The following FDFT1 variants were observed in gnomAD, a reference collection of about 807,000 sequenced individuals.
The protein encoded by FDFT1 is farnesyl-diphosphate farnesyltransferase 1, also known as squalene synthase.
FDFT1 carries 68 observed loss-of-function variants against 46.8 expected under a neutral mutation model. The ratio of observed to expected loss-of-function variants is 1.45; its 90% CI spans 1.19 to 1.78. FDFT1 has a LOEUF of 1.78. Ranked by LOEUF, FDFT1 falls within the 40% of genes most tolerant of loss-of-function variation. The pLI is 0.00. For missense variants in FDFT1, 928 were observed against 524.4 expected (o/e 1.77, Z -7.52); for synonymous variants, 351 against 185.1 (o/e 1.90, Z -7.28).
intron 4 of FDFT1, among the ~76,000 whole-genome samples, chr8:11,823,255 A>G (rs1311175890): frequency 6.6e-6 from 1 of 152,158 alleles, no homozygotes; most frequent in Non-Finnish European, 1.5e-5. Flanking sequence ...AATTATTTCA[A>G]GGAGTTATTT....
At chr8:11,796,070 C>T (rs1258028054) in intron 1 of FDFT1, 4 of 152,130 alleles carry the variant, frequency 2.6e-5, no homozygotes, top group Admixed American at 6.5e-5. Flanking sequence ...TTGTGAAAAA[C>T]GGGGGATTTA....
At chr8:11,802,635 A>G, upstream of FDFT1, 1 of 592,870 alleles carries the variant, frequency 1.7e-6, no homozygotes, top group East Asian at 2.9e-5. Flanking sequence ...AGCCCACCCC[A>G]CGAGGCCGCA....
At chr8:11,815,103 G>A (rs1808269906) in intron 3 of FDFT1, among the ~76,000 whole-genome samples, 1 of 152,122 alleles carries the variant, frequency 6.6e-6, no homozygotes. Context: ...CCACTTAGGA[G>A]TGAGAACATG....
chr8:11,821,623 A>G, intron 3 of FDFT1, 127 bp from the exon 4 acceptor site: 1 of 1,110,962 alleles, frequency 9.0e-7, no homozygotes, highest in Non-Finnish European at 1.3e-6. Context: ...AAAATGTGTG[A>G]CCTAAATTAG....
At chr8:11,824,730 C>A (rs1297558006) in intron 4 of FDFT1, among the ~76,000 whole-genome samples, 1 of 152,070 alleles carries the variant, frequency 6.6e-6, no homozygotes, top group African/African-American at 2.4e-5. Context: ...GTGCAGAGTT[C>A]TTTTTTTCTG....
At chr8:11,824,957 G>C (rs1281528792) in intron 4 of FDFT1, among the ~76,000 whole-genome samples, 3 of 151,990 alleles carry the variant, frequency 2.0e-5, no homozygotes, top group Non-Finnish European at 4.4e-5. Flanking sequence ...GGATGGTCTT[G>C]ATCTCCTGAT....
intron 3 of FDFT1, among the ~76,000 whole-genome samples, chr8:11,820,217 T>A (rs1809029538): frequency 6.6e-6 from 1 of 152,140 alleles, no homozygotes; most frequent in Admixed American, 6.5e-5. Context: ...CTCTGGAAGC[T>A]TCGTCCAAGA....
At chr8:11,802,409 C>A, upstream of FDFT1, 1 of 457,588 alleles carries the variant, frequency 2.2e-6, no homozygotes, top group African/African-American at 2.0e-5. Context: ...ATCCTAAGCC[C>A]CACCGCCTCA....
chr8:11,814,465 G>A (rs1409351904), intron 3 of FDFT1, among the ~76,000 whole-genome samples: 2 of 151,686 alleles, frequency 1.3e-5, no homozygotes. Context: ...TAACTTTTCT[G>A]TAAACACAGA....
intron 7 of FDFT1, among the ~76,000 whole-genome samples, chr8:11,832,551 C>CTAAAAAAAAAA (rs1810949918): frequency 2.8e-5 from 1 of 36,358 alleles, no homozygotes; most frequent in Non-Finnish European, 5.5e-5. Context: ...GACTTTGTCT[C>CTAAAAAAAAAA]AAAAAAAAAA....
At chr8:11,801,179 C>G (rs201287020), upstream of FDFT1, among the ~76,000 whole-genome samples, 2 of 151,964 alleles carry the variant, frequency 1.3e-5, no homozygotes, top group African/African-American at 4.8e-5. Context: ...AGTCCTAGGG[C>G]CAGAGAAAGC....
chr8:11,796,598 C>T (rs1233873692), intron 1 of FDFT1, among the ~76,000 whole-genome samples: 4 of 152,322 alleles, frequency 2.6e-5, no homozygotes, highest in Non-Finnish European at 5.9e-5. Context: ...AAGGCTGCAG[C>T]AGTGCTCTGA....
chr8:11,797,212 C>G (rs928937745), intron 1 of FDFT1, among the ~76,000 whole-genome samples: 6 of 152,190 alleles, frequency 3.9e-5, no homozygotes, highest in Admixed American at 2.0e-4. Context: ...TGAACCCCAC[C>G]TCTGGAGTCG....
Position 11,826,137 on chromosome 8 carries a change from C to A in FDFT1, c.624C>A (p.Gly208=). ...GEDTERANSM[G]LFLQKTNIIR... is the part of the protein sequence containing the mutation. ...ATACAGAACGTGCCAACTCTATGGG[C>A]CTGTTTTTGCAGAAAACAAACATCA... The change falls in exon 5 of 8, where the codon GGC becomes GGA. Residue 208 remains glycine, a synonymous_variant. Transcript: ENST00000220584. 3.7e-6 allele frequency: 6 copies of A among 1,608,726 alleles called. No individual in the cohort carries two copies. Among genetic ancestry groups the A allele is most frequent in the Non-Finnish European group, 4.3e-6 (5 of 1,175,904 alleles).
intron 2 of FDFT1, chr8:11,809,297 T>TG: frequency 9.1e-7 from 1 of 1,094,174 alleles, no homozygotes; most frequent in South Asian, 3.1e-5. Context: ...CCTTTATGTA[T>TG]GATCGTATTT....
In FDFT1 at chr8:11,808,894, G is replaced by T. The variant is rs1444551884; in HGVS notation, c.197+3G>T. 6.2e-7 allele frequency: 1 copy of T among 1,612,844 alleles called. No homozygotes were observed. Among genetic ancestry groups the T allele is most frequent in the African/African-American group, 1.3e-5 (1 of 74,942 alleles). On this transcript the variant is annotated splice_donor_region_variant and intron_variant, in intron 2 of 7. Coordinates refer to ENST00000220584, the MANE Select transcript of FDFT1 (RefSeq NM_004462.5). The stretch of plus-strand genomic sequence containing the variant: ...CAGGCGCTGGATGGGGAAATGCGGT[G>T]AGTGATGGAGGCAGCGCCTCTGGCT...
Position 11,838,283 on chromosome 8 carries a change from T to C in FDFT1, c.1033-105T>C, listed in dbSNP as rs527379865. 52 of 842,380 alleles carry C rather than the reference T, an allele frequency of 6.2e-5. 1 individual carries two copies. The African/African-American group carries it at 7.3e-4, about 12-fold the overall frequency. The allele number at this position is 842,380 out of a possible 1,614,324, so 52.2% of individuals were successfully genotyped here. A position where few individuals can be genotyped will look rare whatever the true frequency, so the allele number is the denominator to read the frequency against. On this transcript the variant is annotated intron_variant, in intron 7 of 7. Coordinates refer to ENST00000220584, the MANE Select transcript of FDFT1 (RefSeq NM_004462.5). Reference sequence around the variant, plus strand: ...TGTTCTCTGAGCCTCCCTTTCCTCATTGGTAAAATGGGTATAAAATACCTG... The same window carrying C: ...TGTTCTCTGAGCCTCCCTTTCCTCACTGGTAAAATGGGTATAAAATACCTG...
intron 6 of FDFT1, among the ~76,000 whole-genome samples, chr8:11,830,631 C>T (rs569067917): frequency 8.5e-4 from 130 of 152,288 alleles, no homozygotes; most frequent in African/African-American, 3.0e-3. Flanking sequence ...TTTTCAGAAC[C>T]TTCTTTCTGG....
Position 11,802,895 on chromosome 8 carries a change from C to CG in FDFT1, c.68dup (p.Lys24GlnfsTer62), listed in dbSNP as rs773023534. 2 of 1,611,364 alleles carry CG rather than the reference C, an allele frequency of 1.2e-6. No homozygotes were observed. Among genetic ancestry groups the CG allele is most frequent in the African/African-American group, 1.3e-5 (1 of 74,924 alleles). ...TCTACAACCTGGTGCGCTTCCGGAT[C>CG]GGGGGCAAGCGGAAGGTGATGCCCA... On this transcript the variant is annotated frameshift_variant, in exon 1 of 8. Transcript: ENST00000220584. LOFTEE classifies it high-confidence loss of function.
Sources: allele counts gnomAD v4.1 joint callset (sites outside exome capture counted in the v4.1 genomes callset), GRCh38; gene constraint gnomAD v4.1.1; transcripts MANE v1.5; gene names NCBI Gene and HGNC (gene_info 2026-07-23, HGNC 2026-07-21).